Variants in SIMC1 observed in about 807,000 individuals in gnomAD.
The protein encoded by SIMC1 is SUMO interacting motifs containing 1.
SIMC1 carries 55 observed loss-of-function variants against 82.3 expected under a neutral mutation model. The observed-to-expected ratio is 0.67, with a 90% CI of 0.54 to 0.84. The LOEUF is 0.84. SIMC1 is among the 40% of genes least tolerant of loss of function. The probability of loss-of-function intolerance (pLI) is 0.00; values close to 1 mark genes in which losing one functional copy is unlikely to be tolerated. For missense variants in SIMC1, 915 were observed against 1,107.2 expected, an observed-to-expected ratio of 0.83 and a Z score of 2.46; for synonymous variants, 353 against 426.3, an observed-to-expected ratio of 0.83 and a Z score of 2.12.
intron 2 of SIMC1, among the ~76,000 whole-genome samples, chr5:176,292,687 G>A (rs1763637520): frequency 6.6e-6 from 1 of 152,120 alleles, no homozygotes; most frequent in African/African-American, 2.4e-5. Flanking sequence ...TGGGTTACAG[G>A]TGCCCGCTAC....
At chr5:176,315,751 G>A (rs1764873732) in intron 5 of SIMC1, among the ~76,000 whole-genome samples, 1 of 152,076 alleles carries the variant, frequency 6.6e-6, no homozygotes, top group African/African-American at 2.4e-5. Context: ...CACCCCCTTA[G>A]TTTACATGCC....
intron 1 of SIMC1, among the ~76,000 whole-genome samples, chr5:176,273,375 C>T (rs1026382937): frequency 1.3e-5 from 2 of 152,170 alleles, no homozygotes; most frequent in African/African-American, 4.8e-5. Context: ...AGGGTCCTGA[C>T]TGTTAGAAGG....
rs752233825 is a variant in SIMC1, at chr5:176,290,692, C to G, written c.1168C>G (p.Leu390Val). ...TGACATGCCTATGGATATCTCAGCT[C>G]TGTCCTCTCCAAGCTGCTCTCCCAG... ...NRDMPMDISA[L>V]SSPSCSPSPQ... Residue 390 changes from leucine (L) to valine (V), a missense_variant, in exon 2 of 10, where the codon CTG (leucine) becomes GTG (valine). Physicochemically the swap from Leu to Val is conservative, Grantham distance 32. Coordinates refer to ENST00000429602, the MANE Select transcript of SIMC1 (RefSeq NM_001308195.2). The G allele has an allele frequency of 8.1e-6, 13 of 1,610,148 alleles. No individual in the cohort carries two copies. The highest frequency in any genetic ancestry group is 5.0e-5 in the Admixed American group (3 of 59,732).
At chr5:176,275,620 A>G (rs1386691527) in intron 1 of SIMC1, among the ~76,000 whole-genome samples, 2 of 151,726 alleles carry the variant, frequency 1.3e-5, no homozygotes, top group African/African-American at 4.8e-5. Flanking sequence ...TGTCATAGAT[A>G]GCTCTTATTA....
intron 2 of SIMC1, among the ~76,000 whole-genome samples, chr5:176,294,538 C>G (rs1561702326): frequency 6.6e-6 from 1 of 151,774 alleles, no homozygotes; most frequent in Admixed American, 6.6e-5. Flanking sequence ...CTTGGCCTCC[C>G]AAAGTGCTGG....
chr5:176,286,912 A>G (rs1763315095), intron 1 of SIMC1, among the ~76,000 whole-genome samples: 1 of 152,248 alleles, frequency 6.6e-6, no homozygotes, highest in Admixed American at 6.5e-5. Flanking sequence ...AGAAATGCAT[A>G]TCAAAACCAC....
intron 1 of SIMC1, among the ~76,000 whole-genome samples, chr5:176,285,835 T>C (rs1488243726): frequency 2.0e-5 from 3 of 152,308 alleles, no homozygotes; most frequent in African/African-American, 4.8e-5. Context: ...AGCATTCTTA[T>C]GCACCAATAA....
At chr5:176,285,514 A>G (rs905836401) in intron 1 of SIMC1, among the ~76,000 whole-genome samples, 20 of 152,198 alleles carry the variant, frequency 1.3e-4, no homozygotes, top group Non-Finnish European at 2.8e-4. Context: ...GTTTATGACA[A>G]ACCCACAGCC....
chr5:176,264,895 A>G (rs1477240064), intron 1 of SIMC1, among the ~76,000 whole-genome samples: 1 of 152,204 alleles, frequency 6.6e-6, no homozygotes, highest in Admixed American at 6.5e-5. Context: ...TAGGCCAGGC[A>G]TGGTGGCTCA....
rs368082308 is a variant in SIMC1, at chr5:176,294,640, G to C, written c.1432-390G>C. Among the ~76,000 whole-genome samples the C allele has an allele frequency of 1.6e-3, 236 of 150,012 alleles. 1 individual carries two copies. The highest frequency in any genetic ancestry group is 5.6e-3 in the African/African-American group (227 of 40,734). ...CCTGGAAAACTTTGCTATCTTCAACGTATTCTAGAACCTCTTATTTTTGTA... is the reference window on the plus strand; with the variant it reads ...CCTGGAAAACTTTGCTATCTTCAACCTATTCTAGAACCTCTTATTTTTGTA... On this transcript the variant is annotated intron_variant, in intron 2 of 9. Coordinates refer to ENST00000429602, the MANE Select transcript of SIMC1 (RefSeq NM_001308195.2).
chr5:176,345,111 C>T (rs1766381441), intron 9 of SIMC1, 72 bp from the exon 10 acceptor site: 2 of 1,536,930 alleles, frequency 1.3e-6, no homozygotes, highest in Non-Finnish European at 1.7e-6. Context: ...ACTCTACCTA[C>T]CAAAATTAGA....
intron 6 of SIMC1, 53 bp downstream of exon 6, chr5:176,322,478 A>T: frequency 6.4e-7 from 1 of 1,553,750 alleles, no homozygotes; most frequent in Non-Finnish European, 8.7e-7. Context: ...AGTGTTTTAG[A>T]GAGAACAACA....
intron 1 of SIMC1, among the ~76,000 whole-genome samples, chr5:176,262,963 A>T (rs1762068618): frequency 1.3e-5 from 2 of 151,790 alleles, no homozygotes; most frequent in South Asian, 4.2e-4. Flanking sequence ...CAAGGTTAAC[A>T]TACAAAACTC....
At chr5:176,250,019 A>G (rs1417787220) in intron 1 of SIMC1, among the ~76,000 whole-genome samples, 1 of 151,868 alleles carries the variant, frequency 6.6e-6, no homozygotes, top group Non-Finnish European at 1.5e-5. Flanking sequence ...TTAGGGTATC[A>G]ATTTTAGATC....
chr5:176,307,110 C>T (rs996913989), intron 4 of SIMC1, among the ~76,000 whole-genome samples: 1 of 151,996 alleles, frequency 6.6e-6, no homozygotes, highest in African/African-American at 2.4e-5. Flanking sequence ...TGCAATGTCA[C>T]CTCATACCAA....
rs1242470858 is a variant in SIMC1, at chr5:176,345,534, A to T, written c.*89A>T. 7 of 1,432,834 alleles carry T rather than the reference A, an allele frequency of 4.9e-6. No individual in the cohort carries two copies. Among genetic ancestry groups the T allele is most frequent in the Non-Finnish European group, 6.5e-6 (7 of 1,072,806 alleles). 88.8% of individuals were successfully genotyped at this position (1,432,834 alleles called of 1,614,324 possible). On this transcript the variant is annotated 3_prime_UTR_variant, in exon 10 of 10. Transcript: ENST00000429602. ...TCTAAAAGCATGAAAAGTGGTTAAA[A>T]TCTTACAGGACCAAACCTGCATTAT...
chr5:176,250,939 TG>T (rs1761629452), intron 1 of SIMC1, among the ~76,000 whole-genome samples: 1 of 152,230 alleles, frequency 6.6e-6, no homozygotes. Flanking sequence ...GTCTTTTAAT[TG>T]GGGCATTTAG....
chr5:176,342,268 T>G (rs1766182855), intron 9 of SIMC1, among the ~76,000 whole-genome samples: 1 of 152,204 alleles, frequency 6.6e-6, no homozygotes, highest in Non-Finnish European at 1.5e-5. Flanking sequence ...TTTCCCTATT[T>G]ACAACCCTCT....
chr5:176,259,138 A>G (rs1761936368), intron 1 of SIMC1, among the ~76,000 whole-genome samples: 2 of 152,234 alleles, frequency 1.3e-5, no homozygotes, highest in African/African-American at 2.4e-5. Flanking sequence ...GTACATAATC[A>G]TATCATTTGA....
Sources: gnomAD v4.1 joint callset for allele counts (sites outside exome capture counted in the v4.1 genomes callset) on GRCh38, gnomAD v4.1.1 for gene constraint, MANE v1.5 for transcripts, NCBI Gene and HGNC (gene_info 2026-07-23, HGNC 2026-07-21) for gene names.